GPC6: variants seen among roughly 807,000 people sequenced by gnomAD.
GPC6 encodes glypican 6, also known as glypican-6.
In GPC6, 14 loss-of-function variants were observed where a neutral mutation model predicts 55.2. That is an observed-to-expected ratio of 0.25 (90% confidence interval 0.17 to 0.40). The LOEUF (loss-of-function observed/expected upper bound fraction) is 0.40, where lower values mean the gene tolerates loss of function less well. Among genes scored for constraint, GPC6 ranks in the 10% least tolerant of loss-of-function variants. GPC6 has a pLI of 1.00. For synonymous variants in GPC6, 278 were observed against 259.6 expected (o/e 1.07, Z -0.68); for missense variants, 641 against 708.5 (o/e 0.90, Z 1.08).
intron 3 of GPC6, among the ~76,000 whole-genome samples, chr13:93,962,675 A>G (rs2140385211): frequency 6.6e-6 from 1 of 152,280 alleles, no homozygotes; most frequent in South Asian, 2.1e-4. Flanking sequence ...AGGTGGTAAA[A>G]CCTAGAATAA....
At chr13:94,066,218 T>C (rs1240134493) in intron 4 of GPC6, among the ~76,000 whole-genome samples, 3 of 152,188 alleles carry the variant, frequency 2.0e-5, no homozygotes, top group Non-Finnish European at 4.4e-5. Flanking sequence ...AATCTTGTAA[T>C]TATGTTTTTT....
At chr13:93,473,394 T>C (rs1448368969) in intron 1 of GPC6, among the ~76,000 whole-genome samples, 2 of 152,148 alleles carry the variant, frequency 1.3e-5, no homozygotes, top group African/African-American at 4.8e-5. Context: ...TGGGCTGTGA[T>C]AGCACCCATG....
At chr13:94,356,693 G>C (rs1169109665) in intron 6 of GPC6, among the ~76,000 whole-genome samples, 2 of 152,186 alleles carry the variant, frequency 1.3e-5, no homozygotes, top group African/African-American at 4.8e-5. Context: ...AGCTGGCAGG[G>C]AGCACGTGGA....
chr13:93,467,168 A>T (rs1878934649), intron 1 of GPC6, among the ~76,000 whole-genome samples: 1 of 152,172 alleles, frequency 6.6e-6, no homozygotes, highest in South Asian at 2.1e-4. Context: ...TAATAATTTG[A>T]CCTTTAGTTA....
At chr13:94,028,173 G>A (rs536529306) in intron 4 of GPC6, among the ~76,000 whole-genome samples, 46 of 152,148 alleles carry the variant, frequency 3.0e-4, no homozygotes, top group African/African-American at 1.1e-3. Flanking sequence ...ACCGAGGTGA[G>A]AGGATTGCTT....
rs574931503 is a variant in GPC6, at chr13:93,699,714, G to A, written c.320-130440G>A. On this transcript the variant is annotated intron_variant, in intron 2 of 8. Coordinates refer to ENST00000377047, the MANE Select transcript of GPC6 (RefSeq NM_005708.5). ...AATTGTGGTAAATAAAATTATTTAA[G>A]CAACTATGGAGAAGTCCTGATTCTA... 2.6e-5 allele frequency among the ~76,000 whole-genome samples: 4 copies of A among 152,076 alleles called. No homozygotes were observed. In the East Asian group the frequency reaches 5.8e-4, roughly 22 times the overall value.
chr13:94,390,823 C>A (rs1449821756), intron 7 of GPC6, among the ~76,000 whole-genome samples: 1 of 152,110 alleles, frequency 6.6e-6, no homozygotes, highest in Admixed American at 6.5e-5. Context: ...AGAGAGGACC[C>A]CATAAAGTCT....
chr13:93,918,708 C>T (rs1291390013), intron 3 of GPC6, among the ~76,000 whole-genome samples: 4 of 152,194 alleles, frequency 2.6e-5, no homozygotes, highest in Non-Finnish European at 5.9e-5. Flanking sequence ...GGAAGGGACT[C>T]TAGCCCCTGC....
chr13:94,071,727 G>GT (rs1163331759), intron 4 of GPC6, among the ~76,000 whole-genome samples: 6 of 152,094 alleles, frequency 3.9e-5, no homozygotes, highest in Admixed American at 3.9e-4. Context: ...TTACAGAATT[G>GT]TTTTTTTCTT....
intron 2 of GPC6, among the ~76,000 whole-genome samples, chr13:93,758,843 T>C (rs1317113723): frequency 1.3e-5 from 2 of 152,178 alleles, no homozygotes; most frequent in Non-Finnish European, 2.9e-5. Context: ...ATTTTCTAAT[T>C]TCCTGTGTTC....
intron 1 of GPC6, among the ~76,000 whole-genome samples, chr13:93,277,649 T>G (rs1877803036): frequency 6.6e-6 from 1 of 152,158 alleles, no homozygotes. Flanking sequence ...AAGACAGTGG[T>G]TAAACTGTTT....
chr13:93,357,777 G>A (rs189400434), intron 1 of GPC6, among the ~76,000 whole-genome samples: 26 of 152,330 alleles, frequency 1.7e-4, no homozygotes, highest in African/African-American at 6.0e-4. Flanking sequence ...TGAGGCTACA[G>A]TGAGCCATGT....
intron 3 of GPC6, among the ~76,000 whole-genome samples, chr13:93,855,513 G>A (rs1312977121): frequency 6.6e-6 from 1 of 151,618 alleles, no homozygotes; most frequent in Non-Finnish European, 1.5e-5. Context: ...TTTTTGTGTG[G>A]ATATGTTTTC....
At chr13:93,479,769 G>T (rs539857577) in intron 1 of GPC6, among the ~76,000 whole-genome samples, 15 of 152,268 alleles carry the variant, frequency 9.9e-5, no homozygotes, top group Non-Finnish European at 1.6e-4. Flanking sequence ...GTTGTGATTT[G>T]GGGATCATTA....
chr13:93,955,267 A>T (rs1200539563), intron 3 of GPC6, among the ~76,000 whole-genome samples: 1 of 151,590 alleles, frequency 6.6e-6, no homozygotes, highest in African/African-American at 2.4e-5. Context: ...ACACACACAC[A>T]CACACACACA....
At chr13:93,784,599 G>C (rs190110496) in intron 2 of GPC6, among the ~76,000 whole-genome samples, 2 of 152,238 alleles carry the variant, frequency 1.3e-5, no homozygotes, top group Admixed American at 1.3e-4. Context: ...GGAGTTTCCT[G>C]TTATCTATTT....
chr13:94,392,062 C>A (rs940029977), intron 7 of GPC6, among the ~76,000 whole-genome samples: 1 of 152,074 alleles, frequency 6.6e-6, no homozygotes, highest in African/African-American at 2.4e-5. Context: ...CACCTTTCAC[C>A]TTTTGGTTAT....
intron 1 of GPC6, among the ~76,000 whole-genome samples, chr13:93,479,156 T>C (rs1247050707): frequency 1.3e-5 from 2 of 152,200 alleles, no homozygotes; most frequent in Non-Finnish European, 2.9e-5. Context: ...AATAGAATTA[T>C]GTCTTGGGAA....
intron 2 of GPC6, among the ~76,000 whole-genome samples, chr13:93,735,433 T>A (rs1403321067): frequency 6.6e-6 from 1 of 151,374 alleles, no homozygotes; most frequent in African/African-American, 2.4e-5. Context: ...CTGAGGAGGC[T>A]GAGGCAGGAG....
Sources: allele counts gnomAD v4.1 joint callset (sites outside exome capture counted in the v4.1 genomes callset), GRCh38; gene constraint gnomAD v4.1.1; transcripts MANE v1.5; gene names NCBI Gene and HGNC (gene_info 2026-07-23, HGNC 2026-07-21).